The following NFASC variants were observed in gnomAD, a reference collection of about 807,000 sequenced individuals.
The protein encoded by NFASC is neurofascin homolog.
A neutral mutation model predicts 147.5 loss-of-function variants in NFASC; 43 were observed. The ratio of observed to expected loss-of-function variants is 0.29; its 90% CI spans 0.23 to 0.38. The LOEUF (loss-of-function observed/expected upper bound fraction) is 0.38, where lower values mean the gene tolerates loss of function less well. Ranked by LOEUF, NFASC falls within the 10% of genes least tolerant of loss-of-function variation. The probability of loss-of-function intolerance (pLI) is 1.00; values close to 1 mark genes in which losing one functional copy is unlikely to be tolerated. For missense variants in NFASC, 1,320 were observed against 1,689.0 expected, an observed-to-expected ratio of 0.78 and a Z score of 3.83; for synonymous variants, 622 against 665.5, an observed-to-expected ratio of 0.93 and a Z score of 1.01.
At chr1:204,893,099 A>G (rs2082715448) in intron 1 of NFASC, among the ~76,000 whole-genome samples, 1 of 152,242 alleles carries the variant, frequency 6.6e-6, no homozygotes, top group Non-Finnish European at 1.5e-5. Flanking sequence ...TCTGGAGCCA[A>G]AATATAGGAG....
chr1:205,001,660 G>A (rs2095989603), intron 26 of NFASC, among the ~76,000 whole-genome samples: 1 of 152,160 alleles, frequency 6.6e-6, no homozygotes, highest in Non-Finnish European at 1.5e-5. Context: ...GACTGGGTGA[G>A]CCAGTTCACA....
In NFASC at chr1:205,015,174, G is replaced by T. The variant is rs1558485665; in HGVS notation, c.3492-1134G>T. On this transcript the variant is annotated intron_variant, in intron 29 of 29. Coordinates refer to ENST00000339876, the MANE Select transcript of NFASC (RefSeq NM_001005388.3). This position sits in a 1 kb window ranked among gnomAD's most constrained non-coding sequence, Gnocchi z 4.0. ...GCCCACTATAATGGCAACTCAGCTG[G>T]TTGTCTTCCCCACGTCCAGGAAGGA... Among the ~76,000 whole-genome samples, 1 of 152,210 alleles carries T rather than the reference G, an allele frequency of 6.6e-6. No individual in the cohort carries two copies. The highest frequency in any genetic ancestry group is 1.5e-5 in the Non-Finnish European group (1 of 68,036).
chr1:205,003,569 GGTAT>G (rs1558444146), intron 27 of NFASC, among the ~76,000 whole-genome samples: 99 of 152,270 alleles, frequency 6.5e-4, no homozygotes, highest in African/African-American at 2.2e-3. Context: ...CCAAGTGGCC[GGTAT>G]GCTAAGCCCT....
At chr1:204,926,406 A>ATATATATATATATATATAT (rs1553257801) in intron 2 of NFASC, among the ~76,000 whole-genome samples, 1 of 14,108 alleles carries the variant, frequency 7.1e-5, no homozygotes, top group African/African-American at 2.1e-4. Flanking sequence ...ATATATATAT[A>ATATATATATATATATATAT]TTTTTTTTTT....
At chr1:204,984,107 T>G in intron 21 of NFASC, 1 of 1,613,856 alleles carries the variant, frequency 6.2e-7, no homozygotes, top group Non-Finnish European at 8.5e-7. Flanking sequence ...CCGCGTCTAC[T>G]CCGACACGGT....
At chr1:204,973,994 G>A (rs899704240) in intron 12 of NFASC, among the ~76,000 whole-genome samples, 185 bp from the exon 13 acceptor site, 1 of 152,206 alleles carries the variant, frequency 6.6e-6, no homozygotes, top group African/African-American at 2.4e-5. Flanking sequence ...GGCAGAGGAC[G>A]TAGTAAGCTT....
Position 204,968,811 on chromosome 1 carries a change from A to T in NFASC, c.832A>T (p.Ile278Phe), listed in dbSNP as rs775844588. ...CIASGVPTPD[I>F]AWYKKGGDLP... ...CGCCTCTCCTAGCCCAACACCAGAC[A>T]TCGCATGGTACAAGAAAGGTGGGGA... Residue 278 changes from isoleucine to phenylalanine, a missense_variant, in exon 10 of 30, where the codon ATC (isoleucine) becomes TTC (phenylalanine). Transcript: ENST00000339876. This position sits in a 1 kb window ranked among gnomAD's most constrained non-coding sequence, Gnocchi z 5.4. 1.2e-6 allele frequency: 2 copies of T among 1,613,204 alleles called. No homozygotes were observed. The highest frequency in any genetic ancestry group is 8.5e-7 in the Non-Finnish European group (1 of 1,179,790).
At chr1:204,982,079 C>T (rs945838699) in intron 21 of NFASC, 59 bp downstream of exon 21, 9 of 1,208,256 alleles carry the variant, frequency 7.4e-6, no homozygotes, top group Admixed American at 3.1e-5. Context: ...CGCACGAGGC[C>T]ACGCTCACAG....
chr1:204,968,655 C>T lies in NFASC; in HGVS notation c.819-143C>T. ...CTCTGTGGCTGAGCATCCTCCTCTG[C>T]ACAGGAAAGATCAGCTTTTAGAGGA... On this transcript the variant is annotated intron_variant, in intron 9 of 29. Transcript: ENST00000339876. This position sits in a 1 kb window ranked among gnomAD's most constrained non-coding sequence, Gnocchi z 5.4. 1 of 737,558 alleles carries T rather than the reference C, an allele frequency of 1.4e-6. No homozygotes were observed. The highest frequency in any genetic ancestry group is 1.8e-5 in the African/African-American group (1 of 56,428). 45.7% of individuals were successfully genotyped at this position (737,558 alleles called of 1,614,324 possible).
At chr1:204,930,283 G>A (rs1413934538) in intron 2 of NFASC, among the ~76,000 whole-genome samples, 2 of 152,140 alleles carry the variant, frequency 1.3e-5, no homozygotes, top group Non-Finnish European at 2.9e-5. Context: ...GAGAAAGAAA[G>A]ATGAGCATGT....
At chr1:204,999,753 A>G (rs1169084953) in intron 25 of NFASC, 4 of 152,178 alleles carry the variant, frequency 2.6e-5, no homozygotes, top group African/African-American at 7.2e-5. Context: ...AAACCAGGAG[A>G]TCTTTTATCA....
chr1:204,970,932 G>T (rs2095226262), intron 11 of NFASC, among the ~76,000 whole-genome samples, 185 bp downstream of exon 11: 1 of 152,204 alleles, frequency 6.6e-6, no homozygotes, highest in Admixed American at 6.5e-5. Context: ...CCCTCTCTTT[G>T]TGTGAGAGAA....
chr1:204,916,713 T>C (rs1033876139), intron 1 of NFASC, among the ~76,000 whole-genome samples: 1 of 81,826 alleles, frequency 1.2e-5, no homozygotes, highest in Admixed American at 1.6e-4. Flanking sequence ...TTTTTTGTTT[T>C]TTTTGTTTGT....
intron 27 of NFASC, among the ~76,000 whole-genome samples, chr1:205,004,136 A>ATATT (rs2096059062): frequency 6.6e-6 from 1 of 152,248 alleles, no homozygotes; most frequent in East Asian, 1.9e-4. Context: ...GCTTCATTAC[A>ATATT]TATTTGAGTC....
intron 1 of NFASC, among the ~76,000 whole-genome samples, chr1:204,900,432 T>C (rs770200165): frequency 2.6e-5 from 4 of 152,244 alleles, no homozygotes; most frequent in Non-Finnish European, 5.9e-5. Context: ...ACACTTTTTA[T>C]TCTAGCTGCA....
At chr1:204,841,241 A>C (rs1223408870) in intron 1 of NFASC, among the ~76,000 whole-genome samples, 5 of 152,166 alleles carry the variant, frequency 3.3e-5, no homozygotes, top group Non-Finnish European at 7.3e-5. Context: ...TTCCCATTAC[A>C]CTGAGAAAAT....
chr1:204,956,859 A>G (rs2094456836), intron 7 of NFASC, among the ~76,000 whole-genome samples: 1 of 152,234 alleles, frequency 6.6e-6, no homozygotes, highest in African/African-American at 2.4e-5. Flanking sequence ...TAACTAACCT[A>G]ACAGCCTGGA....
chr1:205,001,060 CGAGTGTGGGCATGTGCGTGCAT>C, intron 25 of NFASC, 88 bp from the exon 26 acceptor site: 1 of 720,820 alleles, frequency 1.4e-6, no homozygotes. Flanking sequence ...TGTGCGTGCG[CGAGTGTGGGCATGTGCGTGCAT>C]GCACACGCTT....
At chr1:204,850,940 G>C (rs143654495) in intron 1 of NFASC, among the ~76,000 whole-genome samples, 287 of 152,210 alleles carry the variant, frequency 1.9e-3, no homozygotes, top group African/African-American at 6.5e-3. Flanking sequence ...AGTTAATGAG[G>C]AGCACAATAA....
Sources: gnomAD v4.1 joint callset for allele counts (sites outside exome capture counted in the v4.1 genomes callset) on GRCh38, gnomAD v4.1.1 for gene constraint, Gnocchi (gnomAD v3.1) non-coding constraint, MANE v1.5 for transcripts, NCBI Gene and HGNC (gene_info 2026-07-23, HGNC 2026-07-21) for gene names.